LAMTOR1: variants seen among roughly 807,000 people sequenced by gnomAD.
The protein encoded by LAMTOR1 is late endosomal/lysosomal adaptor, MAPK and MTOR activator 1.
In LAMTOR1, 8 loss-of-function variants were observed where a neutral mutation model predicts 20.5. That is an observed-to-expected ratio of 0.39 (90% CI 0.23 to 0.70). LAMTOR1 has a LOEUF of 0.70. LAMTOR1 is among the 30% of genes least tolerant of loss of function. The pLI is 0.43. For synonymous variants in LAMTOR1, 77 were observed against 80.9 expected, an observed-to-expected ratio of 0.95 and a Z score of 0.26; for missense variants, 135 against 206.2, an observed-to-expected ratio of 0.65 and a Z score of 2.11.
At chr11:72,099,377 A>C in intron 1 of LAMTOR1, 121 bp from the exon 2 acceptor site, 2 of 1,100,096 alleles carry the variant, frequency 1.8e-6, no homozygotes, top group Non-Finnish European at 2.5e-6. Context: ...GGAATATCTA[A>C]AGTGCCCAGC....
In LAMTOR1 at chr11:72,098,421, C is replaced by A. The variant is rs779741773; in HGVS notation, c.267-6G>T. ...TCAGCACAGCCAAGCGGGTGCTGAC[C>A]AAGAGAGAGGGGGTGGGGGTAGGCA... On this transcript the variant is annotated splice_polypyrimidine_tract_variant and splice_region_variant and intron_variant, in intron 3 of 4. Coordinates refer to ENST00000278671, the MANE Select transcript of LAMTOR1 (RefSeq NM_017907.3). The A allele has an allele frequency of 9.9e-6, 16 of 1,609,658 alleles. No homozygotes were observed. Among genetic ancestry groups the A allele is most frequent in the Non-Finnish European group, 1.4e-5 (16 of 1,178,004 alleles).
At position 72,097,764 on chromosome 11, in the gene LAMTOR1, G is replaced by T. The variant is rs908169638; in HGVS notation, c.*58C>A. 1.2e-6 allele frequency: 2 copies of T among 1,613,386 alleles called. No individual in the cohort carries two copies. The highest frequency in any genetic ancestry group is 1.1e-5 in the South Asian group (1 of 91,056). On this transcript the variant is annotated 3_prime_UTR_variant, in exon 5 of 5. Coordinates refer to ENST00000278671, the MANE Select transcript of LAMTOR1 (RefSeq NM_017907.3). ...AAGCCGCAGTGAGGCTGGGGGCCAA[G>T]GGGGTGGGGTAGAGATGGGATGAAG...
intron 3 of LAMTOR1, 121 bp downstream of exon 3, chr11:72,098,660 T>C: frequency 2.5e-6 from 2 of 812,478 alleles, no homozygotes; most frequent in Non-Finnish European, 3.8e-6. Flanking sequence ...TGATCTGTGG[T>C]CAGTCTCCAG....
At chr11:72,102,189 C>T (rs980807953) in intron 1 of LAMTOR1, among the ~76,000 whole-genome samples, 5 of 152,194 alleles carry the variant, frequency 3.3e-5, no homozygotes, top group African/African-American at 1.2e-4. Context: ...ATTTTTGTGA[C>T]CATCTTCCCC....
chr11:72,100,863 G>A (rs554176461), intron 1 of LAMTOR1: 1 of 152,458 alleles, frequency 6.6e-6, no homozygotes, highest in East Asian at 1.9e-4. Flanking sequence ...CCAACAGCAA[G>A]AGACAGAAGC....
intron 4 of LAMTOR1, 186 bp downstream of exon 4, chr11:72,098,103 G>A (rs1247644921): frequency 1.6e-5 from 16 of 999,470 alleles, no homozygotes; most frequent in Non-Finnish European, 2.3e-5. Flanking sequence ...AATAAAGGTT[G>A]CAGGAAGGAG....
intron 4 of LAMTOR1, 79 bp from the exon 5 acceptor site, chr11:72,097,993 T>C (rs1565324575): frequency 2.0e-6 from 3 of 1,464,170 alleles, no homozygotes; most frequent in East Asian, 2.3e-5. Context: ...GAGGGGAGAT[T>C]AGATGGTGAT....
intron 1 of LAMTOR1, among the ~76,000 whole-genome samples, chr11:72,099,643 T>A (rs1241866789): frequency 6.6e-6 from 1 of 152,096 alleles, no homozygotes; most frequent in Non-Finnish European, 1.5e-5. Context: ...GGGAAATCAG[T>A]GCAAGTCAAG....
rs779980239 is a variant in LAMTOR1, at chr11:72,098,875, C to CA, written c.189-18dup. 54 of 1,536,880 alleles carry CA rather than the reference C, an allele frequency of 3.5e-5. 1 individual carries two copies. In the South Asian group the frequency reaches 5.8e-4, roughly 17 times the overall value. ...ATGATGTTGCTATGGGGAGAGGAGA[C>CA]AGAGATGACATGACAGGTGCTTCCG... On this transcript the variant is annotated splice_polypyrimidine_tract_variant and intron_variant, in intron 2 of 4. Transcript: ENST00000278671.
intron 3 of LAMTOR1, 88 bp downstream of exon 3, chr11:72,098,693 G>A: frequency 9.9e-7 from 1 of 1,014,384 alleles, no homozygotes; most frequent in Non-Finnish European, 1.4e-6. Flanking sequence ...TGAGAAGCTT[G>A]GACTAGGGGC....
Position 72,099,230 on chromosome 11 carries a change from C to G in LAMTOR1, c.69G>C (p.Leu23=). 6.3e-7 allele frequency: 1 copy of G among 1,596,276 alleles called. No individual in the cohort carries two copies. The highest frequency in any genetic ancestry group is 2.2e-5 in the East Asian group (1 of 44,544). The change falls in exon 2 of 5, where the codon CTG becomes CTC. Residue 23 remains leucine (L), a synonymous_variant. Coordinates refer to ENST00000278671, the MANE Select transcript of LAMTOR1 (RefSeq NM_017907.3). Reference sequence around the variant, plus strand: ...CTTTGGTAGGGGGGCTGCTAGGGTCCAGCAGCAGCTTCCGCTCCTCTCGGT... The same window carrying G: ...CTTTGGTAGGGGGGCTGCTAGGGTCGAGCAGCAGCTTCCGCTCCTCTCGGT... The part of the protein sequence containing the change: ...DQDREERKLL[L]DPSSPPTKAL...
Position 72,102,330 on chromosome 11 carries a change from A to G in LAMTOR1, c.42+853T>C, listed in dbSNP as rs373762619. Among the ~76,000 whole-genome samples, 52 of 152,348 alleles carry G rather than the reference A, an allele frequency of 3.4e-4. 1 individual carries two copies. In the South Asian group the frequency reaches 0.01, roughly 30 times the overall value. On this transcript the variant is annotated intron_variant, in intron 1 of 4. Transcript: ENST00000278671. ...ACTTGAGACTTCATCCTTGAATGTC[A>G]GGCCAGGCAGGGCAGGGATTAGAGT...
chr11:72,098,949 G>T, intron 2 of LAMTOR1, 91 bp from the exon 3 acceptor site: 1 of 1,356,902 alleles, frequency 7.4e-7, no homozygotes. Flanking sequence ...AGGGCTATCT[G>T]ACACCAGTTT....
At chr11:72,098,727 A>T in intron 3 of LAMTOR1, 54 bp downstream of exon 3, 1 of 1,304,996 alleles carries the variant, frequency 7.7e-7, no homozygotes, top group Non-Finnish European at 1.1e-6. Flanking sequence ...TGGAACAGTG[A>T]TGGAGGGTGG....
Position 72,097,619 on chromosome 11 carries a change from C to T in LAMTOR1, c.*203G>A. 2 of 1,392,600 alleles carry T rather than the reference C, an allele frequency of 1.4e-6. No homozygotes were observed. Among genetic ancestry groups the T allele is most frequent in the South Asian group, 3.1e-5 (2 of 64,360 alleles). The allele number at this position is 1,392,600 out of a possible 1,614,324, so 86.3% of individuals were successfully genotyped here. ...TTTTGGCCCCCACCCCATCCCTGGC[C>T]AGAGCTTCAAAGGCCAGTCCCAAAA... On this transcript the variant is annotated 3_prime_UTR_variant, in exon 5 of 5. Transcript: ENST00000278671.
At chr11:72,099,009 T>C in intron 2 of LAMTOR1, 102 bp downstream of exon 2, 1 of 1,497,254 alleles carries the variant, frequency 6.7e-7, no homozygotes, top group Admixed American at 1.8e-5. Flanking sequence ...CTCTCCCCAG[T>C]GACCTTGTCC....
intron 1 of LAMTOR1, among the ~76,000 whole-genome samples, chr11:72,100,210 A>G (rs557976962): frequency 1.7e-4 from 26 of 152,314 alleles, no homozygotes; most frequent in Admixed American, 4.6e-4. Flanking sequence ...GCAGTGAGCT[A>G]GGACTGTGCC....
chr11:72,103,083 G>A lies in LAMTOR1; in HGVS notation c.42+100C>T, dbSNP rs1945507798. 16 of 1,430,590 alleles carry A rather than the reference G, an allele frequency of 1.1e-5. No individual in the cohort carries two copies. The South Asian group carries it at 1.7e-4, about 15-fold the overall frequency. 88.6% of individuals were successfully genotyped at this position (1,430,590 alleles called of 1,614,324 possible). A position where few individuals can be genotyped will look rare whatever the true frequency, so the allele number is the denominator to read the frequency against. On this transcript the variant is annotated intron_variant, in intron 1 of 4. Transcript: ENST00000278671. ...CCCTCCAGGCCTCCGTATTCAGTGA[G>A]CCCTGCAGTCCGGCTGCCCGTCCTC...
intron 3 of LAMTOR1, 147 bp downstream of exon 3, chr11:72,098,634 T>C: frequency 1.3e-6 from 1 of 783,920 alleles, no homozygotes; most frequent in Non-Finnish European, 2.0e-6. Context: ...CATGAATAAC[T>C]ACTGAAGCAC....
Sources: gnomAD v4.1 joint callset for allele counts (sites outside exome capture counted in the v4.1 genomes callset) on GRCh38, gnomAD v4.1.1 for gene constraint, MANE v1.5 for transcripts, NCBI Gene and HGNC (gene_info 2026-07-23, HGNC 2026-07-21) for gene names.